Variants in ANK1 observed in about 807,000 individuals in gnomAD.
ANK1 encodes the protein ankyrin 1.
In ANK1, 51 loss-of-function variants were observed where a neutral mutation model predicts 210.4. The observed-to-expected ratio is 0.24, with a 90% CI of 0.19 to 0.31. ANK1 has a LOEUF of 0.31. ANK1 is among the 10% of genes least tolerant of loss of function. ANK1 has a pLI of 1.00. For missense variants in ANK1, 2,051 were observed against 2,504.4 expected (o/e 0.82, Z 3.86); for synonymous variants, 967 against 1,025.9 (o/e 0.94, Z 1.10).
chr8:41,718,085 C>A (rs1012172536), intron 11 of ANK1, 21 bp downstream of exon 11: 1 of 1,612,134 alleles, frequency 6.2e-7, no homozygotes, highest in Admixed American at 1.7e-5. Flanking sequence ...TGCCCCCAGG[C>A]TCCTCTGCAG....
intron 3 of ANK1, among the ~76,000 whole-genome samples, chr8:41,732,705 G>A (rs1490754392): frequency 1.3e-5 from 2 of 151,484 alleles, no homozygotes; most frequent in South Asian, 2.1e-4. Context: ...GAGCCACCAC[G>A]TCCAGCCTTG....
At chr8:41,871,937 C>T (rs1046133434) in intron 1 of ANK1, among the ~76,000 whole-genome samples, 6 of 152,172 alleles carry the variant, frequency 3.9e-5, no homozygotes, top group Non-Finnish European at 8.8e-5. Context: ...TGGAATGGAG[C>T]CCCCGGGATG....
chr8:41,696,336 G>A (rs763229600), intron 26 of ANK1, 27 bp downstream of exon 26: 2 of 1,610,632 alleles, frequency 1.2e-6, no homozygotes, highest in Middle Eastern at 1.7e-4. Context: ...GGACAGGGGA[G>A]AACACGGGCT....
At position 41,704,528 on chromosome 8, in the gene ANK1, A is replaced by G; in HGVS notation, c.2098-56T>C. 2.1e-6 allele frequency: 3 copies of G among 1,462,188 alleles called. No homozygotes were observed. The highest frequency in any genetic ancestry group is 2.9e-6 in the Non-Finnish European group (3 of 1,042,054). The allele number at this position is 1,462,188 out of a possible 1,614,324, so 90.6% of individuals were successfully genotyped here. On this transcript the variant is annotated intron_variant, in intron 18 of 42. Transcript: ENST00000289734. This position sits in a 1 kb window ranked among gnomAD's most constrained non-coding sequence, Gnocchi z 4.1. ...GCTGTCCTGAGCTGGGCATCACATG[A>G]AATCCTTCCCAAAGCAGCTGATTCA...
At chr8:41,665,246 C>CT in intron 39 of ANK1, 1 of 1,512,656 alleles carries the variant, frequency 6.6e-7, no homozygotes, top group Non-Finnish European at 8.8e-7. Flanking sequence ...AAGTGCCCTT[C>CT]TGCCCAGCAG....
chr8:41,884,548 G>C (rs912058956), intron 1 of ANK1, among the ~76,000 whole-genome samples: 1 of 151,948 alleles, frequency 6.6e-6, no homozygotes, highest in Non-Finnish European at 1.5e-5. Flanking sequence ...TAAAGGATGA[G>C]TAGAGGCCGA....
At position 41,674,824 on chromosome 8, in the gene ANK1, T is replaced by G. The variant is rs114195177; in HGVS notation, c.4538-1912A>C. Reference sequence around the variant, plus strand: ...GGCAGAGACTGAGGGAAACCCCTTTTAGCTCTGGCCAAACTAGGAAGAACA... The same window carrying G: ...GGCAGAGACTGAGGGAAACCCCTTTGAGCTCTGGCCAAACTAGGAAGAACA... On this transcript the variant is annotated intron_variant, in intron 37 of 42. Coordinates refer to ENST00000289734, the MANE Select transcript of ANK1 (RefSeq NM_000037.4). Among the ~76,000 whole-genome samples the G allele has an allele frequency of 4.5e-3, 682 of 152,246 alleles. 5 individuals carry two copies. The highest frequency in any genetic ancestry group is 0.016 in the African/African-American group (655 of 41,550).
At chr8:41,671,478 C>T (rs1812265886) in intron 38 of ANK1, among the ~76,000 whole-genome samples, 2 of 152,138 alleles carry the variant, frequency 1.3e-5, no homozygotes, top group African/African-American at 4.8e-5. Flanking sequence ...CTCATGATTG[C>T]TCTTTTAAGT....
chr8:41,742,754 G>A (rs1325153296), intron 2 of ANK1, among the ~76,000 whole-genome samples: 2 of 152,140 alleles, frequency 1.3e-5, no homozygotes, highest in Non-Finnish European at 2.9e-5. Flanking sequence ...CGATAGCAGT[G>A]GCAGAGACAC....
intron 42 of ANK1, chr8:41,660,446 C>A: frequency 2.1e-6 from 1 of 466,126 alleles, no homozygotes; most frequent in Non-Finnish European, 4.4e-6. Flanking sequence ...CCGAGGTATC[C>A]TGTACTGAGC....
chr8:41,785,067 G>C (rs1390945663), intron 1 of ANK1, among the ~76,000 whole-genome samples: 1 of 152,206 alleles, frequency 6.6e-6, no homozygotes, highest in South Asian at 2.1e-4. Flanking sequence ...TCAGATGAAA[G>C]CAGAATGAGA....
At chr8:41,874,341 T>C (rs1816151800) in intron 1 of ANK1, among the ~76,000 whole-genome samples, 1 of 152,234 alleles carries the variant, frequency 6.6e-6, no homozygotes, top group South Asian at 2.1e-4. Context: ...TATTTTTTTC[T>C]CATATCCATC....
intron 2 of ANK1, 32 bp from the exon 3 acceptor site, chr8:41,734,101 G>T (rs1832842540): frequency 9.4e-6 from 15 of 1,588,012 alleles, no homozygotes; most frequent in Non-Finnish European, 1.3e-5. Context: ...GAAGGGCATG[G>T]TTAGTCAAAT....
intron 42 of ANK1, among the ~76,000 whole-genome samples, chr8:41,656,778 G>A (rs2883631): frequency 1.3e-5 from 2 of 152,072 alleles, no homozygotes; most frequent in Non-Finnish European, 2.9e-5. Context: ...TGAAGGGGTT[G>A]GGGAGGAGTG....
chr8:41,702,183 T>C, intron 20 of ANK1, 39 bp from the exon 21 acceptor site: 3 of 1,567,446 alleles, frequency 1.9e-6, no homozygotes, highest in Non-Finnish European at 2.6e-6. Context: ...AGACAGGGGA[T>C]GGAGTCTAGG....
At chr8:41,893,558 C>A (rs1819856533) in intron 1 of ANK1, among the ~76,000 whole-genome samples, 1 of 152,206 alleles carries the variant, frequency 6.6e-6, no homozygotes, top group South Asian at 2.1e-4. Context: ...CTGCAACCAT[C>A]GCCAAAGTTA....
intron 2 of ANK1, among the ~76,000 whole-genome samples, chr8:41,735,483 C>T (rs956086782): frequency 6.6e-6 from 1 of 152,114 alleles, no homozygotes; most frequent in Non-Finnish European, 1.5e-5. Flanking sequence ...GCCTCAGAGC[C>T]ACTTCAGGCT....
intron 1 of ANK1, among the ~76,000 whole-genome samples, chr8:41,766,004 T>C (rs1315353296): frequency 6.6e-6 from 1 of 152,150 alleles, no homozygotes; most frequent in African/African-American, 2.4e-5. Context: ...GACCTCAAGA[T>C]TTTTAGTACA....
chr8:41,706,021 T>C lies in ANK1; in HGVS notation c.2097+122A>G, dbSNP rs1487278600. The C allele has an allele frequency of 4.2e-6, 4 of 958,502 alleles. No individual in the cohort carries two copies. The Admixed American group carries it at 5.3e-5, about 13-fold the overall frequency. 59.4% of individuals were successfully genotyped at this position (958,502 alleles called of 1,614,324 possible). Reference sequence around the variant, plus strand: ...TGTTTTCAAACTCCACTGCCAGCCCTAGGAAGTGGCAGAGAAGAATGTCCC... The same window carrying C: ...TGTTTTCAAACTCCACTGCCAGCCCCAGGAAGTGGCAGAGAAGAATGTCCC... On this transcript the variant is annotated intron_variant, in intron 18 of 42. Transcript: ENST00000289734.
Sources: gnomAD v4.1 joint callset for allele counts (sites outside exome capture counted in the v4.1 genomes callset) on GRCh38, gnomAD v4.1.1 for gene constraint, Gnocchi (gnomAD v3.1) non-coding constraint, MANE v1.5 for transcripts, NCBI Gene and HGNC (gene_info 2026-07-23, HGNC 2026-07-21) for gene names.